The following PRDM16 variants were observed in gnomAD, a reference collection of about 807,000 sequenced individuals.
PRDM16 encodes histone-lysine N-methyltransferase PRDM16.
PRDM16 carries 23 observed loss-of-function variants against 110.6 expected under a neutral mutation model. That is an observed-to-expected ratio of 0.21 (90% CI 0.15 to 0.29). The LOEUF is 0.29. Ranked by LOEUF, PRDM16 falls within the 10% of genes least tolerant of loss-of-function variation. PRDM16 has a pLI of 1.00. For missense variants in PRDM16, 1,615 were observed against 1,794.3 expected (o/e 0.90, Z 1.81); for synonymous variants, 799 against 781.8 (o/e 1.02, Z -0.37).
intron 1 of PRDM16, among the ~76,000 whole-genome samples, chr1:3,142,260 A>G (rs1427574054): frequency 6.6e-6 from 1 of 152,254 alleles, no homozygotes; most frequent in African/African-American, 2.4e-5. Context: ...ACAAACAGCG[A>G]TGTCTTAGAC....
At chr1:3,420,555 C>G (rs1278067719) in intron 12 of PRDM16, among the ~76,000 whole-genome samples, 1 of 152,242 alleles carries the variant, frequency 6.6e-6, no homozygotes, top group Non-Finnish European at 1.5e-5. Flanking sequence ...TTGGAAGCCT[C>G]TTCCGTTTAA....
intron 4 of PRDM16, among the ~76,000 whole-genome samples, chr1:3,392,357 C>T (rs1236071751): frequency 6.6e-6 from 1 of 152,108 alleles, no homozygotes; most frequent in African/African-American, 2.4e-5. Context: ...AAGTTTATTA[C>T]GCTGGTCAAA....
chr1:3,160,014 G>A (rs1055993291), intron 1 of PRDM16, among the ~76,000 whole-genome samples: 1 of 152,236 alleles, frequency 6.6e-6, no homozygotes, highest in Non-Finnish European at 1.5e-5. Context: ...CTAACTTGGT[G>A]TTCTGTATTT....
At chr1:3,214,473 G>A (rs544328757) in intron 2 of PRDM16, among the ~76,000 whole-genome samples, 1 of 152,312 alleles carries the variant, frequency 6.6e-6, no homozygotes, top group Non-Finnish European at 1.5e-5. Flanking sequence ...AAGACGGGCA[G>A]ATCACCTGAG....
chr1:3,317,504 G>C (rs1016120441), intron 3 of PRDM16, among the ~76,000 whole-genome samples: 1 of 152,128 alleles, frequency 6.6e-6, no homozygotes, highest in Non-Finnish European at 1.5e-5. Context: ...CAGGTCTGGG[G>C]ATCTTTGGGT....
chr1:3,146,747 G>A (rs1263991355), intron 1 of PRDM16, among the ~76,000 whole-genome samples: 26 of 142,090 alleles, frequency 1.8e-4, no homozygotes, highest in East Asian at 1.1e-3. Flanking sequence ...GTGAGTGCAC[G>A]TGTGTGCTCG....
Position 3,069,318 on chromosome 1 carries a change from G to T in PRDM16, c.37+22G>T. On this transcript the variant is annotated intron_variant, in intron 1 of 16. Coordinates refer to ENST00000270722, the MANE Select transcript of PRDM16 (RefSeq NM_022114.4). This position sits in a 1 kb window ranked among gnomAD's most constrained non-coding sequence, Gnocchi z 6.1. Reference sequence around the variant, plus strand: ...AAAAGTAAGTCTCCCGCGCTCGGCCGCGCCGCGCCGCCGGGGCCCGGGCCG... The same window carrying T: ...AAAAGTAAGTCTCCCGCGCTCGGCCTCGCCGCGCCGCCGGGGCCCGGGCCG... The T allele has an allele frequency of 1.5e-6, 2 of 1,295,178 alleles. No individual in the cohort carries two copies. Among genetic ancestry groups the T allele is most frequent in the Non-Finnish European group, 2.0e-6 (2 of 997,556 alleles). 80.2% of individuals were successfully genotyped at this position (1,295,178 alleles called of 1,614,324 possible).
chr1:3,191,627 G>T (rs1557517797), intron 2 of PRDM16, among the ~76,000 whole-genome samples: 1 of 152,214 alleles, frequency 6.6e-6, no homozygotes, highest in Non-Finnish European at 1.5e-5. Context: ...CCTCTTCTGT[G>T]GACACAGGCC....
chr1:3,256,656 A>G (rs1640053501), intron 3 of PRDM16, among the ~76,000 whole-genome samples: 1 of 152,204 alleles, frequency 6.6e-6, no homozygotes, highest in South Asian at 2.1e-4. Context: ...CAGGAGATCA[A>G]GACCATCCTG....
In PRDM16 at chr1:3,194,694, T is replaced by TCGTCTCCCCGCCACACGCCAC. The variant is rs1264634322; in HGVS notation, c.387+8247_387+8267dup. 3.9e-3 allele frequency among the ~76,000 whole-genome samples: 299 copies of TCGTCTCCCCGCCACACGCCAC among 77,022 alleles called. 3 individuals carry two copies. Among genetic ancestry groups the TCGTCTCCCCGCCACACGCCAC allele is most frequent in the South Asian group, 0.026 (60 of 2,272 alleles). The allele number at this position is 77,022 out of a possible 152,430, so 50.5% of individuals were successfully genotyped here. A position where few individuals can be genotyped will look rare whatever the true frequency, so the allele number is the denominator to read the frequency against. ...GCCACCGTCTGATCGCCACACGCCA[T>TCGTCTCCCCGCCACACGCCAC]CGTCTCCCCGCCACACGCCACCGTC... On this transcript the variant is annotated intron_variant, in intron 2 of 16. Coordinates refer to ENST00000270722, the MANE Select transcript of PRDM16 (RefSeq NM_022114.4).
chr1:3,129,969 C>T lies in PRDM16; in HGVS notation c.38-56156C>T, dbSNP rs79888331. ...TGTATCCACTGAGGGCATCCAAAAG[C>T]GTTGATGGGCCAAGGCGACCAGCTG... is the stretch of plus-strand genomic sequence containing the variant. On this transcript the variant is annotated intron_variant, in intron 1 of 16. Transcript: ENST00000270722. 0.018 allele frequency among the ~76,000 whole-genome samples: 2,771 copies of T among 152,282 alleles called. 184 individuals carry two copies. The East Asian group carries it at 0.22, about 12-fold the overall frequency.
At chr1:3,347,750 G>A (rs1482812755) in intron 3 of PRDM16, among the ~76,000 whole-genome samples, 1 of 152,238 alleles carries the variant, frequency 6.6e-6, no homozygotes, top group African/African-American at 2.4e-5. Flanking sequence ...GGTGAGAGCT[G>A]CGGGCTCCCC....
At chr1:3,352,983 C>T (rs954269442) in intron 3 of PRDM16, among the ~76,000 whole-genome samples, 2 of 152,194 alleles carry the variant, frequency 1.3e-5, no homozygotes, top group African/African-American at 4.8e-5. Flanking sequence ...CCATGCGTGG[C>T]CGGAGGCAGA....
chr1:3,086,000 G>A (rs544475250), intron 1 of PRDM16, among the ~76,000 whole-genome samples: 267 of 152,334 alleles, frequency 1.8e-3, no homozygotes, highest in Middle Eastern at 0.01. Context: ...CCTGGTCTGG[G>A]CCATAGGCTG....
intron 3 of PRDM16, among the ~76,000 whole-genome samples, chr1:3,343,484 G>T: frequency 1.3e-5 from 2 of 148,600 alleles, no homozygotes; most frequent in African/African-American, 5.0e-5. Context: ...TCTTCCTTTG[G>T]GTTTAGTGCT....
intron 3 of PRDM16, among the ~76,000 whole-genome samples, chr1:3,283,461 C>T (rs1640761295): frequency 6.6e-6 from 1 of 152,210 alleles, no homozygotes; most frequent in Non-Finnish European, 1.5e-5. Flanking sequence ...AGACCCAACT[C>T]ACCCACTCCC....
At position 3,244,233 on chromosome 1, in the gene PRDM16, G is replaced by C; in HGVS notation, c.438+96G>C. On this transcript the variant is annotated intron_variant, in intron 3 of 16. Coordinates refer to ENST00000270722, the MANE Select transcript of PRDM16 (RefSeq NM_022114.4). This position sits in a 1 kb window ranked among gnomAD's most constrained non-coding sequence, Gnocchi z 4.1. ...CCCAGCTGTCCCTGAGCTAACAAGCGTGTAGTCGGAATGTTGCTGGCAGGC... is the reference window on the plus strand; with the variant it reads ...CCCAGCTGTCCCTGAGCTAACAAGCCTGTAGTCGGAATGTTGCTGGCAGGC... 8.7e-7 allele frequency: 1 copy of C among 1,154,212 alleles called. No homozygotes were observed. The highest frequency in any genetic ancestry group is 1.3e-6 in the Non-Finnish European group (1 of 774,626). 71.5% of individuals were successfully genotyped at this position (1,154,212 alleles called of 1,614,324 possible).
intron 1 of PRDM16, among the ~76,000 whole-genome samples, chr1:3,130,350 C>T (rs1643307358): frequency 6.6e-6 from 1 of 152,168 alleles, no homozygotes; most frequent in Admixed American, 6.5e-5. Context: ...CCCAGTGTGT[C>T]CTTTGCAAAC....
chr1:3,415,661 G>C (rs2100671907), intron 10 of PRDM16, among the ~76,000 whole-genome samples: 1 of 152,380 alleles, frequency 6.6e-6, no homozygotes, highest in South Asian at 2.1e-4. Flanking sequence ...AGCAAGCCGG[G>C]CGGGAGAGGC....
Sources: allele counts gnomAD v4.1 joint callset (sites outside exome capture counted in the v4.1 genomes callset), GRCh38; gene constraint gnomAD v4.1.1; non-coding constraint Gnocchi (gnomAD v3.1); transcripts MANE v1.5; gene names NCBI Gene and HGNC (gene_info 2026-07-23, HGNC 2026-07-21).